The following CLIP2 variants were observed in gnomAD, a reference collection of about 807,000 sequenced individuals.
CLIP2 encodes the protein CAP-Gly domain-containing linker protein 2.
A neutral mutation model predicts 111.7 loss-of-function variants in CLIP2; 41 were observed. That is an observed-to-expected ratio of 0.37 (90% CI 0.29 to 0.48). The LOEUF is 0.48. Ranked by LOEUF, CLIP2 falls within the 20% of genes least tolerant of loss-of-function variation. The pLI is 0.99. For synonymous variants in CLIP2, 660 were observed against 644.2 expected (o/e 1.02, Z -0.37); for missense variants, 1,160 against 1,422.1 (o/e 0.82, Z 2.96).
At chr7:74,391,599 C>T (rs1554315862) in intron 13 of CLIP2, among the ~76,000 whole-genome samples, 1 of 152,114 alleles carries the variant, frequency 6.6e-6, no homozygotes, top group Non-Finnish European at 1.5e-5. Context: ...GCAGGCAGAT[C>T]ACTTGAGCTC....
intron 13 of CLIP2, among the ~76,000 whole-genome samples, chr7:74,391,178 G>A (rs1791285426): frequency 6.6e-6 from 1 of 152,210 alleles, no homozygotes. Context: ...CTTTTTCCAT[G>A]TTCCATCTTT....
intron 10 of CLIP2, 160 bp from the exon 11 acceptor site, chr7:74,380,646 G>T (rs569682545): frequency 1.7e-6 from 1 of 579,378 alleles, no homozygotes; most frequent in East Asian, 2.8e-5. Context: ...GACTGAGGAC[G>T]TCTGCACTCC....
intron 1 of CLIP2, among the ~76,000 whole-genome samples, chr7:74,317,082 G>A (rs1266001914): frequency 6.6e-6 from 1 of 152,164 alleles, no homozygotes; most frequent in Non-Finnish European, 1.5e-5. Context: ...ATGCTCTTGG[G>A]ATAGAAGATG....
chr7:74,403,905 C>G lies in CLIP2; in HGVS notation c.*57C>G. The G allele has an allele frequency of 1.3e-6, 2 of 1,586,862 alleles. No homozygotes were observed. The highest frequency in any genetic ancestry group is 1.7e-6 in the Non-Finnish European group (2 of 1,158,266). ...CACACCAGAGCCCCACGCGGCTGCC[C>G]GGCAGTACCTCCTCCAGGCAGGAGC... is the stretch of plus-strand genomic sequence containing the variant. On this transcript the variant is annotated 3_prime_UTR_variant, in exon 17 of 17. Transcript: ENST00000223398.
rs372682888 is a variant in CLIP2, at chr7:74,338,746, G to A, written c.420G>A (p.Thr140=). The change falls in exon 3 of 17, where the codon ACG becomes ACA. Residue 140 remains threonine (T), a synonymous_variant. Transcript: ENST00000223398. The surrounding 1 kb of genome is among the most constrained non-coding windows in gnomAD (Gnocchi z 4.3). ...FECPALQGIF[T]RPSKLTRQPT... is the part of the protein sequence containing the mutation. ...GCCCGGCCCTCCAGGGTATCTTCAC[G>A]CGGCCCTCCAAGCTGACCCGGCAGC... 1.6e-5 allele frequency: 26 copies of A among 1,600,700 alleles called. No homozygotes were observed. The highest frequency in any genetic ancestry group is 2.7e-5 in the African/African-American group (2 of 74,716).
At chr7:74,326,888 G>A (rs1285890003) in intron 2 of CLIP2, among the ~76,000 whole-genome samples, 2 of 151,326 alleles carry the variant, frequency 1.3e-5, no homozygotes, top group Admixed American at 6.6e-5. Flanking sequence ...CGCCTGCCTC[G>A]GCCTCCCAAA....
Position 74,401,497 on chromosome 7 carries a change from T to G in CLIP2, c.3067-8T>G. 1 of 1,613,908 alleles carries G rather than the reference T, an allele frequency of 6.2e-7. No homozygotes were observed. The highest frequency in any genetic ancestry group is 8.5e-7 in the Non-Finnish European group (1 of 1,179,954). ...CACCTGGCTCAGTGTCTCCCCTAAC[T>G]CTTCCAGACCATCGGCAATTCCGGT... On this transcript the variant is annotated splice_region_variant and splice_polypyrimidine_tract_variant and intron_variant, in intron 15 of 16. Coordinates refer to ENST00000223398, the MANE Select transcript of CLIP2 (RefSeq NM_003388.5).
chr7:74,323,079 T>C (rs1789006312), intron 2 of CLIP2, among the ~76,000 whole-genome samples: 1 of 133,104 alleles, frequency 7.5e-6, no homozygotes, highest in Admixed American at 8.9e-5. Context: ...TGTTTAGCTA[T>C]GTTTTATTTA....
At chr7:74,337,910 C>A (rs1467477840) in intron 2 of CLIP2, among the ~76,000 whole-genome samples, 2 of 152,110 alleles carry the variant, frequency 1.3e-5, no homozygotes, top group African/African-American at 4.8e-5. Context: ...AACATTGCTT[C>A]TGAGGGCGTA....
At chr7:74,368,217 TC>T (rs1191885839) in intron 8 of CLIP2, among the ~76,000 whole-genome samples, 2 of 151,576 alleles carry the variant, frequency 1.3e-5, no homozygotes, top group Non-Finnish European at 2.9e-5. Flanking sequence ...AGACCTTGTC[TC>T]AAAAAATAAA....
intron 2 of CLIP2, among the ~76,000 whole-genome samples, chr7:74,330,477 G>A (rs781848668): frequency 6.6e-6 from 1 of 151,754 alleles, no homozygotes; most frequent in Non-Finnish European, 1.5e-5. Context: ...GGCTGGTCTC[G>A]AGCTTCTGAC....
At chr7:74,392,051 T>C (rs903883066) in intron 13 of CLIP2, among the ~76,000 whole-genome samples, 1 of 150,636 alleles carries the variant, frequency 6.6e-6, no homozygotes, top group African/African-American at 2.4e-5. Flanking sequence ...TACAAAAAAA[T>C]AGAAAAATAG....
chr7:74,321,986 C>T (rs1584324103), intron 2 of CLIP2, among the ~76,000 whole-genome samples: 3 of 125,418 alleles, frequency 2.4e-5, no homozygotes, highest in Non-Finnish European at 3.2e-5. Context: ...TTTATTTTTC[C>T]TTTTTTTTTT....
intron 2 of CLIP2, among the ~76,000 whole-genome samples, chr7:74,322,717 T>A (rs1225062211): frequency 2.0e-5 from 3 of 152,090 alleles, no homozygotes; most frequent in Non-Finnish European, 4.4e-5. Flanking sequence ...CCATTGTTTA[T>A]CTTTGTTTTT....
At chr7:74,299,704 CT>C (rs1266067413) in intron 1 of CLIP2, among the ~76,000 whole-genome samples, 18 of 148,970 alleles carry the variant, frequency 1.2e-4, no homozygotes, top group African/African-American at 2.2e-4. Context: ...TCTTCTTCTT[CT>C]TTTTTTTTTT....
intron 13 of CLIP2, among the ~76,000 whole-genome samples, chr7:74,394,803 C>T (rs1038753927): frequency 6.6e-6 from 1 of 152,224 alleles, no homozygotes; most frequent in Non-Finnish European, 1.5e-5. Flanking sequence ...CCAGTAGGAA[C>T]AAACCAGCCA....
At chr7:74,303,048 C>T (rs149258303) in intron 1 of CLIP2, among the ~76,000 whole-genome samples, 3 of 152,318 alleles carry the variant, frequency 2.0e-5, no homozygotes, top group East Asian at 3.9e-4. Context: ...GACAGCAGTA[C>T]AGACAGCCGG....
In CLIP2 at chr7:74,353,991, G is replaced by A; in HGVS notation, c.790G>A (p.Val264Met). The A allele has an allele frequency of 6.2e-7, 1 of 1,612,892 alleles. No homozygotes were observed. ...GCCCCTTGGGAAGAATGATGGGGCG[G>A]TGGCGGGCACCAGGTATGGTGGGCT... ...DEPLGKNDGA[V>M]AGTRYFQCPP... Residue 264 changes from valine to methionine, a missense_variant, in exon 4 of 17, where the codon GTG (valine) becomes ATG (methionine). Val to Met is a conservative substitution (Grantham distance 21). This residue lies in a region of CLIP2 where 110 missense variants were observed against 185.2 expected (regional missense o/e 0.59). Transcript: ENST00000223398.
intron 1 of CLIP2, among the ~76,000 whole-genome samples, chr7:74,299,288 G>A (rs1418953656): frequency 6.6e-6 from 1 of 152,016 alleles, no homozygotes; most frequent in Non-Finnish European, 1.5e-5. Context: ...TTGTGCCACT[G>A]CATTCTAGCC....
Sources: gnomAD v4.1 joint callset for allele counts (sites outside exome capture counted in the v4.1 genomes callset) on GRCh38, gnomAD v4.1.1 for gene constraint, gnomAD v4.1.1 regional missense constraint, Gnocchi (gnomAD v3.1) non-coding constraint, MANE v1.5 for transcripts, NCBI Gene and HGNC (gene_info 2026-07-23, HGNC 2026-07-21) for gene names.